LINGO2: variants seen among roughly 807,000 people sequenced by gnomAD.
LINGO2 encodes the protein leucine rich repeat and Ig domain containing 2, also known as leucine-rich repeat and immunoglobulin-like domain-containing nogo receptor-interacting protein 2.
LINGO2 carries 14 observed loss-of-function variants against 30.6 expected under a neutral mutation model. The observed-to-expected ratio is 0.46, with a 90% confidence interval of 0.30 to 0.72. The LOEUF (loss-of-function observed/expected upper bound fraction) is 0.72, where lower values mean the gene tolerates loss of function less well. Among genes scored for constraint, LINGO2 ranks in the 30% least tolerant of loss-of-function variants. The probability of loss-of-function intolerance (pLI) is 0.07; values close to 1 mark genes in which losing one functional copy is unlikely to be tolerated. For missense variants in LINGO2, 729 were observed against 751.7 expected (o/e 0.97, Z 0.35); for synonymous variants, 317 against 288.5 (o/e 1.10, Z -1.00).
At chr9:29,106,163 G>C in the LINGO2 span, among the ~76,000 whole-genome samples, 1 of 152,088 alleles carries the variant, frequency 6.6e-6, no homozygotes, top group Non-Finnish European at 1.5e-5. Context: ...ATAATCTCAA[G>C]ATTCAAAATA....
At chr9:28,101,750 C>T (rs1826422485) in intron 4 of LINGO2, among the ~76,000 whole-genome samples, 1 of 152,110 alleles carries the variant, frequency 6.6e-6, no homozygotes, top group Non-Finnish European at 1.5e-5. Flanking sequence ...AGCAATAGTG[C>T]CTTATCAGCC....
At chr9:28,167,537 C>T (rs11791278) in intron 4 of LINGO2, among the ~76,000 whole-genome samples, 6,653 of 152,234 alleles carry the variant, frequency 0.044, 226 homozygotes, top group Admixed American at 0.084. Flanking sequence ...TGTGCCACCA[C>T]GCCCAGCTAA....
chr9:29,070,009 T>C, the LINGO2 span, among the ~76,000 whole-genome samples: 3 of 152,094 alleles, frequency 2.0e-5, no homozygotes, highest in Admixed American at 6.6e-5. Context: ...GTCATAGTTT[T>C]CAATGAATTG....
At chr9:28,075,862 C>G (rs1254603555) in intron 4 of LINGO2, among the ~76,000 whole-genome samples, 1 of 151,798 alleles carries the variant, frequency 6.6e-6, no homozygotes, top group Non-Finnish European at 1.5e-5. Flanking sequence ...GCTTTTCTCA[C>G]TTTTTGTGTT....
chr9:28,296,416 T>C (rs955645704), intron 3 of LINGO2, among the ~76,000 whole-genome samples: 2 of 152,036 alleles, frequency 1.3e-5, no homozygotes, highest in African/African-American at 4.8e-5. Flanking sequence ...GGCTTAGAGG[T>C]TATTCTAAGT....
intron 4 of LINGO2, among the ~76,000 whole-genome samples, chr9:28,171,774 C>T (rs1218520947): frequency 1.3e-5 from 2 of 150,840 alleles, no homozygotes; most frequent in African/African-American, 2.4e-5. Flanking sequence ...TTTGGGAGGC[C>T]GAGGCAGGCG....
At chr9:28,100,459 G>A (rs546211666) in intron 4 of LINGO2, among the ~76,000 whole-genome samples, 241 of 152,252 alleles carry the variant, frequency 1.6e-3, no homozygotes, top group Non-Finnish European at 2.8e-3. Context: ...TTTGAACAAT[G>A]TTATGTGAAG....
chr9:28,870,038 T>TA, the LINGO2 span, among the ~76,000 whole-genome samples: 4 of 151,818 alleles, frequency 2.6e-5, no homozygotes, highest in Non-Finnish European at 5.9e-5. Context: ...AAAAAACCCA[T>TA]AACATGCATT....
the LINGO2 span, among the ~76,000 whole-genome samples, chr9:29,056,194 T>A: frequency 3.4e-4 from 52 of 152,162 alleles, no homozygotes; most frequent in Middle Eastern, 3.4e-3. Context: ...TCCATAGTGG[T>A]TGTACTAGTT....
chr9:28,914,239 A>C, the LINGO2 span, among the ~76,000 whole-genome samples: 1 of 152,172 alleles, frequency 6.6e-6, no homozygotes, highest in Admixed American at 6.5e-5. Context: ...GATAAAATAA[A>C]ACATATAACC....
intron 5 of LINGO2, among the ~76,000 whole-genome samples, chr9:27,979,496 ATAAT>A (rs1820755053): frequency 6.6e-6 from 1 of 151,976 alleles, no homozygotes; most frequent in African/African-American, 2.4e-5. Context: ...CTGGAATTAA[ATAAT>A]TGTGTGCATA....
downstream of LINGO2, chr9:27,943,246 A>G (rs1244752360): frequency 1.3e-5 from 2 of 152,192 alleles, no homozygotes; most frequent in Middle Eastern, 3.2e-3. Flanking sequence ...CTTTTAGAAC[A>G]GGCATAAAGT....
chr9:28,537,312 A>G (rs1159614403), intron 1 of LINGO2, among the ~76,000 whole-genome samples: 1 of 152,112 alleles, frequency 6.6e-6, no homozygotes, highest in Non-Finnish European at 1.5e-5. Flanking sequence ...TAGCAAACTA[A>G]CACAGTCTCC....
At chr9:28,822,118 T>G in the LINGO2 span, among the ~76,000 whole-genome samples, 2 of 152,110 alleles carry the variant, frequency 1.3e-5, no homozygotes, top group Non-Finnish European at 2.9e-5. Flanking sequence ...AAGGTCCTTA[T>G]GCCCTCCAGT....
chr9:28,418,691 G>A (rs1313529086), intron 2 of LINGO2, among the ~76,000 whole-genome samples: 1 of 152,042 alleles, frequency 6.6e-6, no homozygotes, highest in Admixed American at 6.6e-5. Flanking sequence ...TAGATTGGGG[G>A]CTTAGCATAT....
At chr9:28,576,295 A>C (rs1430574970) in intron 1 of LINGO2, among the ~76,000 whole-genome samples, 1 of 152,234 alleles carries the variant, frequency 6.6e-6, no homozygotes, top group Non-Finnish European at 1.5e-5. Flanking sequence ...AGACAGAGGA[A>C]AGATCAAAAT....
At chr9:29,123,198 AT>A in the LINGO2 span, among the ~76,000 whole-genome samples, 1 of 152,100 alleles carries the variant, frequency 6.6e-6, no homozygotes, top group Non-Finnish European at 1.5e-5. Flanking sequence ...CCAGTTTTTA[AT>A]TTACAATCAA....
intron 5 of LINGO2, among the ~76,000 whole-genome samples, chr9:27,997,206 A>G (rs1241895413): frequency 6.6e-6 from 1 of 152,210 alleles, no homozygotes; most frequent in Non-Finnish European, 1.5e-5. Context: ...TGCATAGGCC[A>G]CTCAAGGTCT....
At chr9:28,218,822 C>A (rs1173186007) in intron 4 of LINGO2, among the ~76,000 whole-genome samples, 2 of 152,078 alleles carry the variant, frequency 1.3e-5, no homozygotes. Flanking sequence ...TTCACTATTC[C>A]CTGCCTGGAA....
Sources: allele counts gnomAD v4.1 joint callset (sites outside exome capture counted in the v4.1 genomes callset), GRCh38; gene constraint gnomAD v4.1.1; transcripts MANE v1.5; gene names NCBI Gene and HGNC (gene_info 2026-07-23, HGNC 2026-07-21).